CFAP69: variants seen among roughly 807,000 people sequenced by gnomAD.
CFAP69 encodes the protein cilia and flagella associated protein 69.
A neutral mutation model predicts 123.0 loss-of-function variants in CFAP69; 92 were observed. The observed-to-expected ratio is 0.75, with a 90% CI of 0.63 to 0.89. The LOEUF (loss-of-function observed/expected upper bound fraction) is 0.89. CFAP69 is among the 40% of genes least tolerant of loss of function. The pLI, the probability that CFAP69 is intolerant of heterozygous loss-of-function variation, is 0.00. For missense variants in CFAP69, 1,067 were observed against 1,096.9 expected (o/e 0.97, Z 0.39); for synonymous variants, 380 against 364.3 (o/e 1.04, Z -0.49).
chr7:90,303,677 C>T (rs1793136984), intron 17 of CFAP69: 1 of 994,726 alleles, frequency 1.0e-6, no homozygotes. Flanking sequence ...TTCTGGATTT[C>T]AAAATTTTTT....
At chr7:90,311,935 A>C (rs557462719), downstream of CFAP69, among the ~76,000 whole-genome samples, 1 of 152,174 alleles carries the variant, frequency 6.6e-6, no homozygotes. Context: ...AACCCTAAGC[A>C]TGGGTAGGAG....
At chr7:90,288,417 G>A in intron 15 of CFAP69, 65 bp downstream of exon 15, 5 of 1,519,620 alleles carry the variant, frequency 3.3e-6, no homozygotes, top group Non-Finnish European at 4.5e-6. Flanking sequence ...ACAACAGTGA[G>A]GATACTTTCT....
chr7:90,279,918 T>A (rs779887063), intron 12 of CFAP69, 25 bp downstream of exon 12: 1 of 1,517,026 alleles, frequency 6.6e-7, no homozygotes, highest in Non-Finnish European at 8.8e-7. Flanking sequence ...AAGATTCTTG[T>A]CAAAATTCTA....
intron 11 of CFAP69, 140 bp from the exon 12 acceptor site, chr7:90,279,537 A>G (rs3810891): frequency 0.51 from 231,170 of 456,676 alleles, 63,391 homozygotes; most frequent in Non-Finnish European, 0.57. Flanking sequence ...TTTGGTACCT[A>G]TCATAGATTG....
intron 1 of CFAP69, among the ~76,000 whole-genome samples, chr7:90,248,486 C>A (rs1796584208): frequency 6.6e-6 from 1 of 152,142 alleles, no homozygotes; most frequent in African/African-American, 2.4e-5. Context: ...AAATGATATT[C>A]ACAGAGTATT....
At chr7:90,296,919 A>G (rs1792070316) in intron 15 of CFAP69, among the ~76,000 whole-genome samples, 1 of 152,168 alleles carries the variant, frequency 6.6e-6, no homozygotes, top group Non-Finnish European at 1.5e-5. Context: ...GTTTCTTATT[A>G]TGTGGAATAG....
intron 15 of CFAP69, among the ~76,000 whole-genome samples, chr7:90,296,325 A>G (rs1243221534): frequency 1.3e-5 from 2 of 150,428 alleles, no homozygotes; most frequent in Non-Finnish European, 3.0e-5. Context: ...TTTTGTTGTT[A>G]TTGTTGTTGT....
At chr7:90,277,649 A>G (rs1448351232) in intron 11 of CFAP69, among the ~76,000 whole-genome samples, 1 of 152,194 alleles carries the variant, frequency 6.6e-6, no homozygotes, top group Non-Finnish European at 1.5e-5. Context: ...CCAGCCTAAT[A>G]ATCTGTCTCT....
Position 90,245,209 on chromosome 7 carries a change from G to T in CFAP69, c.-216G>T, listed in dbSNP as rs2116447009. On this transcript the variant is annotated 5_prime_UTR_variant, in exon 1 of 23. Coordinates refer to ENST00000389297, the MANE Select transcript of CFAP69 (RefSeq NM_001039706.3). ...TGGCTTGTGTTAACAACCGGCCCGG[G>T]ATCAGAGGTCTGGGTCAACTGGGGG... 2.0e-6 allele frequency: 1 copy of T among 496,564 alleles called. No individual in the cohort carries two copies. Among genetic ancestry groups the T allele is most frequent in the East Asian group, 3.7e-5 (1 of 27,122 alleles). The allele number at this position is 496,564 out of a possible 1,614,324, so 30.8% of individuals were successfully genotyped here.
intron 5 of CFAP69, among the ~76,000 whole-genome samples, chr7:90,265,737 A>G (rs1799065856): frequency 6.6e-6 from 1 of 152,224 alleles, no homozygotes; most frequent in African/African-American, 2.4e-5. Flanking sequence ...TCTAATATTG[A>G]ATTGCTGCAA....
At chr7:90,302,024 A>C (rs887085993) in intron 17 of CFAP69, 2 of 152,122 alleles carry the variant, frequency 1.3e-5, no homozygotes, top group Non-Finnish European at 2.9e-5. Flanking sequence ...ATTCTGACTG[A>C]TGTGAGATAC....
chr7:90,292,054 G>T (rs879525115), intron 15 of CFAP69, among the ~76,000 whole-genome samples: 16 of 152,084 alleles, frequency 1.1e-4, no homozygotes, highest in Admixed American at 3.3e-4. Context: ...TCTCTCTCCA[G>T]TTTCCCATTT....
chr7:90,261,842 G>T, intron 3 of CFAP69, 105 bp from the exon 4 acceptor site: 1 of 541,258 alleles, frequency 1.8e-6, no homozygotes, highest in Non-Finnish European at 3.0e-6. Context: ...ACCACATTTG[G>T]CAAAATAGTT....
At chr7:90,304,710 T>G (rs1793315701) in intron 18 of CFAP69, 34 bp from the exon 19 acceptor site, 13 of 1,588,442 alleles carry the variant, frequency 8.2e-6, no homozygotes, top group Non-Finnish European at 1.1e-5. Flanking sequence ...CTTGCTCTGC[T>G]AAAGTAATTC....
chr7:90,312,076 A>T (rs935122568), downstream of CFAP69, among the ~76,000 whole-genome samples: 1 of 152,212 alleles, frequency 6.6e-6, no homozygotes, highest in Non-Finnish European at 1.5e-5. Flanking sequence ...AGAACAAGGT[A>T]GAGACCATAT....
chr7:90,281,284 C>T (rs1280789873), intron 12 of CFAP69, among the ~76,000 whole-genome samples: 1 of 151,988 alleles, frequency 6.6e-6, no homozygotes, highest in Non-Finnish European at 1.5e-5. Context: ...ACATGCAATA[C>T]TCAGAACAGT....
downstream of CFAP69, among the ~76,000 whole-genome samples, chr7:90,314,027 C>G (rs1794551882): frequency 6.6e-6 from 1 of 152,124 alleles, no homozygotes; most frequent in Non-Finnish European, 1.5e-5. Context: ...TCCCAAAAAC[C>G]TATAATCCCA....
At chr7:90,287,798 A>T (rs1790524277) in intron 14 of CFAP69, 1 of 943,686 alleles carries the variant, frequency 1.1e-6, no homozygotes, top group Non-Finnish European at 1.3e-6. Flanking sequence ...CACAAAAATT[A>T]TTAAATGTTT....
chr7:90,279,352 T>G (rs1010565810), intron 11 of CFAP69, among the ~76,000 whole-genome samples: 3 of 152,048 alleles, frequency 2.0e-5, no homozygotes, highest in Admixed American at 2.0e-4. Flanking sequence ...ACGTTATACG[T>G]TTTATTATAC....
Sources: allele counts gnomAD v4.1 joint callset (sites outside exome capture counted in the v4.1 genomes callset), GRCh38; gene constraint gnomAD v4.1.1; transcripts MANE v1.5; gene names NCBI Gene and HGNC (gene_info 2026-07-23, HGNC 2026-07-21).